Variants in TTC34 observed in about 807,000 individuals in gnomAD.
TTC34 encodes the protein tetratricopeptide repeat protein 34.
TTC34 carries 44 observed loss-of-function variants against 40.7 expected under a neutral mutation model. That is an observed-to-expected ratio of 1.08 (90% confidence interval 0.85 to 1.39). The LOEUF (loss-of-function observed/expected upper bound fraction) is 1.39, where lower values mean the gene tolerates loss of function less well. Among genes scored for constraint, TTC34 ranks in the 40% most tolerant of loss-of-function variants. The pLI, the probability that TTC34 is intolerant of heterozygous loss-of-function variation, is 0.00. For synonymous variants in TTC34, 422 were observed against 398.6 expected, an observed-to-expected ratio of 1.06 and a Z score of -0.70; for missense variants, 884 against 838.0, an observed-to-expected ratio of 1.05 and a Z score of -0.68.
intron 6 of TTC34, among the ~76,000 whole-genome samples, chr1:2,683,420 C>A (rs1294245676): frequency 2.1e-5 from 1 of 48,666 alleles, no homozygotes; most frequent in South Asian, 6.2e-4. Flanking sequence ...TAGCCTGGAA[C>A]ACCACCCTTC....
At chr1:2,792,401 T>C (rs1643673443) in intron 2 of TTC34, among the ~76,000 whole-genome samples, 1 of 152,212 alleles carries the variant, frequency 6.6e-6, no homozygotes, top group South Asian at 2.1e-4. Flanking sequence ...TTTCTTTTTC[T>C]CCTTACTGTA....
chr1:2,767,783 G>T (rs1224722220), intron 6 of TTC34, among the ~76,000 whole-genome samples: 1 of 147,634 alleles, frequency 6.8e-6, no homozygotes, highest in African/African-American at 2.5e-5. Context: ...TTGAGCATCT[G>T]ACAGCCTGGG....
At chr1:2,688,765 C>A (rs1487259564) in intron 6 of TTC34, among the ~76,000 whole-genome samples, 1 of 101,122 alleles carries the variant, frequency 9.9e-6, no homozygotes, top group Non-Finnish European at 1.9e-5. Context: ...TGGAACAGCA[C>A]CCACATCCCC....
intron 6 of TTC34, among the ~76,000 whole-genome samples, chr1:2,684,083 T>A (rs76016338): frequency 2.0e-5 from 1 of 50,616 alleles, no homozygotes; most frequent in Non-Finnish European, 5.3e-5. Context: ...CATCCCCAGG[T>A]GAGCATCCGA....
chr1:2,793,012 G>A (rs1354670826), intron 2 of TTC34, among the ~76,000 whole-genome samples: 3 of 152,294 alleles, frequency 2.0e-5, no homozygotes, highest in East Asian at 3.9e-4. Flanking sequence ...TTTTATAATC[G>A]TTATCTGTGG....
intron 6 of TTC34, among the ~76,000 whole-genome samples, chr1:2,646,781 G>T (rs12744876): frequency 0.35 from 52,692 of 152,116 alleles, 10,332 homozygotes; most frequent in Non-Finnish European, 0.44. Context: ...TTCCAGCAGA[G>T]AATTTCTATC....
rs1271346662 is a variant in TTC34 at position 2,751,115 on chromosome 1, C to A, written c.2226+32494G>T. On this transcript the variant is annotated intron_variant, in intron 6 of 8. Coordinates refer to ENST00000401095, the Ensembl canonical transcript of TTC34. Reference sequence around the variant, plus strand: ...CAGCTGAGCCTCTGACAGCCTGGAACAGCACCCTGTACCCCCAGGGGAGCA... The same window carrying A: ...CAGCTGAGCCTCTGACAGCCTGGAAAAGCACCCTGTACCCCCAGGGGAGCA... 3.1e-4 allele frequency among the ~76,000 whole-genome samples: 29 copies of A among 92,566 alleles called. 4 individuals are homozygous for A. The highest frequency in any genetic ancestry group is 5.6e-4 in the Non-Finnish European group (28 of 49,624). 60.7% of individuals were successfully genotyped at this position (92,566 alleles called of 152,430 possible). A position where few individuals can be genotyped will look rare whatever the true frequency, so the allele number is the denominator to read the frequency against.
intron 6 of TTC34, among the ~76,000 whole-genome samples, chr1:2,746,712 TC>T (rs1641183251): frequency 4.6e-5 from 1 of 21,654 alleles, no homozygotes; most frequent in Non-Finnish European, 6.8e-5. Flanking sequence ...AGCACCCACA[TC>T]CCCAGGTGAG....
intron 6 of TTC34, among the ~76,000 whole-genome samples, chr1:2,687,447 C>T (rs1640415742): frequency 6.7e-6 from 1 of 149,016 alleles, no homozygotes; most frequent in Non-Finnish European, 1.5e-5. Context: ...CACCCACAAC[C>T]ACAGGTGAGC....
intron 6 of TTC34, among the ~76,000 whole-genome samples, chr1:2,688,599 C>G (rs1359745917): frequency 2.1e-5 from 3 of 140,360 alleles, no homozygotes; most frequent in African/African-American, 6.0e-5. Context: ...CAGCCTGGAG[C>G]AGCACCCACA....
intron 6 of TTC34, among the ~76,000 whole-genome samples, chr1:2,650,379 T>A (rs1050130046): frequency 1.5e-5 from 2 of 131,062 alleles, no homozygotes; most frequent in Non-Finnish European, 3.3e-5. Flanking sequence ...GCACTCTACA[T>A]CCCCAGGTGA....
intron 6 of TTC34, among the ~76,000 whole-genome samples, chr1:2,691,717 TTGGACAGC>T (rs1640627572): frequency 2.1e-5 from 2 of 94,536 alleles, no homozygotes; most frequent in Non-Finnish European, 5.0e-5. Context: ...CAGGTGAGCA[TTGGACAGC>T]CTGGAGCAGC....
rs1014905711 is a variant in TTC34 at position 2,645,115 on chromosome 1, C to T, written c.2497+178G>A. On this transcript the variant is annotated intron_variant, in intron 7 of 8. Coordinates refer to ENST00000401095, the Ensembl canonical transcript of TTC34. This position sits in a 1 kb window ranked among gnomAD's most constrained non-coding sequence, Gnocchi z 4.7. ...GTAAAGCAGAGGAGAGCCTTTTGAA[C>T]GCCAGGCCTCACACAGGGAGCAGGG... 3.9e-5 allele frequency among the ~76,000 whole-genome samples: 6 copies of T among 152,186 alleles called. No homozygotes were observed. Among genetic ancestry groups the T allele is most frequent in the East Asian group, 3.8e-4 (2 of 5,200 alleles).
rs1641324774 is a variant in TTC34 at position 2,751,662 on chromosome 1, TG to T, written c.2226+31946del. On this transcript the variant is annotated intron_variant, in intron 6 of 8. Transcript: ENST00000401095. ...AGCACCCACACCCCCAGTTGAGCAT[TG>T]GACAGCCTGGATCAGCACCCACAAC... Among the ~76,000 whole-genome samples, 3 of 34,604 alleles carry T rather than the reference TG, an allele frequency of 8.7e-5. 1 individual carries two copies. The highest frequency in any genetic ancestry group is 1.7e-4 in the Non-Finnish European group (3 of 18,138). The allele number at this position is 34,604 out of a possible 152,430, so 22.7% of individuals were successfully genotyped here. A position where few individuals can be genotyped will look rare whatever the true frequency, so the allele number is the denominator to read the frequency against.
At chr1:2,644,295 A>G (rs1423840872) in exon 8 of TTC34, 1 of 1,535,388 alleles carries the variant, frequency 6.5e-7, no homozygotes, top group East Asian at 2.4e-5. Context: ...CGAGGCCTCC[A>G]GGAGATGCAG....
At chr1:2,748,474 C>T (rs1641217459) in intron 6 of TTC34, among the ~76,000 whole-genome samples, 21 of 5,136 alleles carry the variant, frequency 4.1e-3, no homozygotes, top group Admixed American at 7.9e-3. Flanking sequence ...GGAAGAGCAC[C>T]CCACATCCCC....
intron 6 of TTC34, among the ~76,000 whole-genome samples, chr1:2,767,855 G>T (rs1296026063): frequency 5.2e-4 from 73 of 140,504 alleles, no homozygotes; most frequent in South Asian, 9.5e-4. Flanking sequence ...ACCCCCAGGT[G>T]TGCATCTGAC....
chr1:2,786,095 C>G (rs964783499), intron 4 of TTC34, 72 bp from the exon 5 acceptor site: 60 of 1,302,374 alleles, frequency 4.6e-5, no homozygotes, highest in Non-Finnish European at 5.3e-5. Flanking sequence ...TACTGACGCC[C>G]CTGGCCATCC....
intron 6 of TTC34, among the ~76,000 whole-genome samples, chr1:2,693,103 C>CT: frequency 2.1e-5 from 2 of 93,140 alleles, no homozygotes; most frequent in Non-Finnish European, 4.7e-5. Flanking sequence ...GCAGCACCCA[C>CT]ACCCTCAGGT....
Sources: allele counts gnomAD v4.1 joint callset (sites outside exome capture counted in the v4.1 genomes callset), GRCh38; gene constraint gnomAD v4.1.1; non-coding constraint Gnocchi (gnomAD v3.1); transcripts MANE v1.5; gene names NCBI Gene and HGNC (gene_info 2026-07-23, HGNC 2026-07-21).